The following JAM3 variants were observed in gnomAD, a reference collection of about 807,000 sequenced individuals.
JAM3 encodes junctional adhesion molecule 3, also known as junctional adhesion molecule C.
In JAM3, 31 loss-of-function variants were observed where a neutral mutation model predicts 39.4. The ratio of observed to expected loss-of-function variants is 0.79; its 90% CI spans 0.59 to 1.06. The LOEUF is 1.06. JAM3 is among the 50% of genes least tolerant of loss of function. The pLI, the probability that JAM3 is intolerant of heterozygous loss-of-function variation, is 0.00. For synonymous variants in JAM3, 182 were observed against 148.7 expected (o/e 1.22, Z -1.63); for missense variants, 455 against 391.4 (o/e 1.16, Z -1.37).
In JAM3 at chr11:134,151,213, G is replaced by C. The variant is rs541033935; in HGVS notation, c.*2032G>C. On this transcript the variant is annotated 3_prime_UTR_variant, in exon 9 of 9. Coordinates refer to ENST00000299106, the MANE Select transcript of JAM3 (RefSeq NM_032801.5). ...AGCTTTTTTTTAATTGCATACATGA[G>C]ACTGTGTTGACTTTTTTTAGTTATG... is the stretch of plus-strand genomic sequence containing the variant. 6.6e-6 allele frequency: 1 copy of C among 152,286 alleles called. No individual in the cohort carries two copies. Among genetic ancestry groups the C allele is most frequent in the Admixed American group, 6.5e-5 (1 of 15,294 alleles). 9.4% of individuals were successfully genotyped at this position (152,286 alleles called of 1,614,324 possible).
At position 134,102,593 on chromosome 11, in the gene JAM3, C is replaced by T. The variant is rs187138083; in HGVS notation, c.76+33434C>T. 9.9e-5 allele frequency among the ~76,000 whole-genome samples: 15 copies of T among 152,190 alleles called. No individual in the cohort carries two copies. The East Asian group carries it at 1.4e-3, about 14-fold the overall frequency. ...GCTAAAGGAGGAAGTTCGAACCCAT[C>T]GCAAAGAAGCTAAAAACCTTGAAAA... On this transcript the variant is annotated intron_variant, in intron 1 of 8. Transcript: ENST00000299106.
At chr11:134,131,896 G>A (rs1455993046) in intron 1 of JAM3, among the ~76,000 whole-genome samples, 1 of 152,088 alleles carries the variant, frequency 6.6e-6, no homozygotes, top group Admixed American at 6.5e-5. Context: ...CAAGTTTGAG[G>A]AGCAAAAAGA....
chr11:134,121,821 G>GCGCGCACACACACACACACACACACACA (rs369702081), intron 1 of JAM3, among the ~76,000 whole-genome samples: 1 of 148,422 alleles, frequency 6.7e-6, no homozygotes, highest in African/African-American at 2.5e-5. Context: ...GCATGTGTGC[G>GCGCGCACACACACACACACACACACACA]CACACACACA....
intron 1 of JAM3, among the ~76,000 whole-genome samples, chr11:134,137,596 C>T (rs981761481): frequency 1.3e-5 from 2 of 152,158 alleles, no homozygotes; most frequent in South Asian, 2.1e-4. Flanking sequence ...GGTGCCTCGT[C>T]GAAGTCATGG....
At chr11:134,081,657 G>A (rs1453442994) in intron 1 of JAM3, among the ~76,000 whole-genome samples, 1 of 152,236 alleles carries the variant, frequency 6.6e-6, no homozygotes, top group African/African-American at 2.4e-5. Context: ...TTGCTGCAGG[G>A]GTGGGGCTCT....
At chr11:134,142,530 G>T (rs1194931000) in intron 3 of JAM3, among the ~76,000 whole-genome samples, 1 of 152,172 alleles carries the variant, frequency 6.6e-6, no homozygotes, top group African/African-American at 2.4e-5. Flanking sequence ...ACTCTTTTGT[G>T]TCATGTTTTC....
At chr11:134,072,650 GT>G (rs1260473619) in intron 1 of JAM3, among the ~76,000 whole-genome samples, 2 of 152,220 alleles carry the variant, frequency 1.3e-5, no homozygotes, top group African/African-American at 4.8e-5. Context: ...GCCGGGTACA[GT>G]GGCTCACGCC....
chr11:134,143,785 C>T (rs1943018060), intron 3 of JAM3, among the ~76,000 whole-genome samples: 1 of 152,178 alleles, frequency 6.6e-6, no homozygotes, highest in Non-Finnish European at 1.5e-5. Flanking sequence ...ATGCATTTTT[C>T]TAAGAGTTTT....
chr11:134,124,242 T>C lies in JAM3; in HGVS notation c.77-15609T>C, dbSNP rs545786440. On this transcript the variant is annotated intron_variant, in intron 1 of 8. Coordinates refer to ENST00000299106, the MANE Select transcript of JAM3 (RefSeq NM_032801.5). ...ATACTTCTTAAGTTCCTCTGGGAAC[T>C]CGTTGAGAGTAGCACTGGTAGGGTT... 2.1e-4 allele frequency: 248 copies of C among 1,186,436 alleles called. 2 individuals carry two copies. Among genetic ancestry groups the C allele is most frequent in the South Asian group, 2.0e-3 (168 of 82,588 alleles). 73.5% of individuals were successfully genotyped at this position (1,186,436 alleles called of 1,614,324 possible). A position where few individuals can be genotyped will look rare whatever the true frequency, so the allele number is the denominator to read the frequency against.
At chr11:134,142,987 C>T (rs920238482) in intron 3 of JAM3, among the ~76,000 whole-genome samples, 3 of 152,132 alleles carry the variant, frequency 2.0e-5, no homozygotes, top group Admixed American at 2.0e-4. Flanking sequence ...CATTATTTTA[C>T]CCATTCTATT....
chr11:134,149,084 CGT>C (rs1040861003), intron 8 of JAM3, 60 bp from the exon 9 acceptor site: 4 of 1,591,080 alleles, frequency 2.5e-6, no homozygotes, highest in Admixed American at 3.3e-5. Flanking sequence ...AGACTTACTC[CGT>C]GTTTTTCCCT....
rs539009098 is a variant in JAM3 at position 134,089,520 on chromosome 11, CATT to C, written c.76+20362_76+20364del. 9.9e-5 allele frequency among the ~76,000 whole-genome samples: 15 copies of C among 152,180 alleles called. No individual in the cohort carries two copies. The East Asian group carries it at 2.7e-3, about 28-fold the overall frequency. On this transcript the variant is annotated intron_variant, in intron 1 of 8. Transcript: ENST00000299106. ...TCCCCTTCCTGTGTCCCTGTGTTCT[CATT>C]GTTCAATTCCCACCTATGAGTGAGA...
chr11:134,148,004 G>T (rs1311927640), intron 6 of JAM3: 1 of 178,302 alleles, frequency 5.6e-6, no homozygotes, highest in South Asian at 1.3e-4. Context: ...GTTCCAGGGG[G>T]TTTCCTCTCA....
chr11:134,123,180 A>C (rs1375550980), intron 1 of JAM3, among the ~76,000 whole-genome samples: 22 of 152,128 alleles, frequency 1.4e-4, no homozygotes, highest in Admixed American at 1.1e-3. Context: ...TGGATCATAT[A>C]ATATATCTAT....
chr11:134,129,242 A>G (rs1289601018), intron 1 of JAM3, among the ~76,000 whole-genome samples: 1 of 150,764 alleles, frequency 6.6e-6, no homozygotes, highest in Non-Finnish European at 1.5e-5. Flanking sequence ...TCAGCCTCCC[A>G]AGTAGATGGG....
chr11:134,151,677 A>G lies in JAM3; in HGVS notation c.*2496A>G, dbSNP rs1943240966. Reference sequence around the variant, plus strand: ...TTTGGATGGATGTTGCTGTACACAGATGCTACAGACTTGTACTAACACACC... The same window carrying G: ...TTTGGATGGATGTTGCTGTACACAGGTGCTACAGACTTGTACTAACACACC... On this transcript the variant is annotated 3_prime_UTR_variant, in exon 9 of 9. Transcript: ENST00000299106. 6.6e-6 allele frequency: 1 copy of G among 152,222 alleles called. No homozygotes were observed. The highest frequency in any genetic ancestry group is 2.4e-5 in the African/African-American group (1 of 41,456). 9.4% of individuals were successfully genotyped at this position (152,222 alleles called of 1,614,324 possible).
At chr11:134,076,047 TC>T (rs201493205) in intron 1 of JAM3, among the ~76,000 whole-genome samples, 1 of 151,564 alleles carries the variant, frequency 6.6e-6, no homozygotes, top group Non-Finnish European at 1.5e-5. Context: ...ACACAGTTTT[TC>T]CACCAATTAT....
chr11:134,112,406 G>A (rs1311993311), intron 1 of JAM3, among the ~76,000 whole-genome samples: 2 of 152,076 alleles, frequency 1.3e-5, no homozygotes, highest in Non-Finnish European at 2.9e-5. Flanking sequence ...AATTTAAAAT[G>A]GGCTGTATAC....
At chr11:134,108,803 A>G (rs1942253284) in intron 1 of JAM3, among the ~76,000 whole-genome samples, 2 of 152,214 alleles carry the variant, frequency 1.3e-5, no homozygotes, top group Non-Finnish European at 2.9e-5. Context: ...GACAACAGCA[A>G]AACAACAGAG....
Sources: gnomAD v4.1 joint callset for allele counts (sites outside exome capture counted in the v4.1 genomes callset) on GRCh38, gnomAD v4.1.1 for gene constraint, MANE v1.5 for transcripts, NCBI Gene and HGNC (gene_info 2026-07-23, HGNC 2026-07-21) for gene names.